ELMOD3: variants seen among roughly 807,000 people sequenced by gnomAD.
ELMOD3 encodes the protein ELMO domain containing 3.
A neutral mutation model predicts 47.4 loss-of-function variants in ELMOD3; 36 were observed. The observed-to-expected ratio is 0.76, with a 90% CI of 0.58 to 1.00. The LOEUF (loss-of-function observed/expected upper bound fraction) is 1.00. ELMOD3 is among the 50% of genes least tolerant of loss of function. The pLI is 0.00. For synonymous variants in ELMOD3, 149 were observed against 183.5 expected, an observed-to-expected ratio of 0.81 and a Z score of 1.52; for missense variants, 404 against 463.8, an observed-to-expected ratio of 0.87 and a Z score of 1.18.
At chr2:85,369,162 C>G (rs1233311131) in intron 7 of ELMOD3, among the ~76,000 whole-genome samples, 3 of 152,164 alleles carry the variant, frequency 2.0e-5, no homozygotes, top group Non-Finnish European at 4.4e-5. Context: ...CTGGAAGGCT[C>G]TGAAGGCTGA....
At chr2:85,372,196 C>G (rs1406252466) in intron 10 of ELMOD3, 2 of 151,772 alleles carry the variant, frequency 1.3e-5, no homozygotes, top group Non-Finnish European at 2.9e-5. Context: ...TAAAAATTAG[C>G]CAGGCGTGGT....
chr2:85,381,563 G>A (rs1323239080), intron 11 of ELMOD3, among the ~76,000 whole-genome samples: 1 of 152,170 alleles, frequency 6.6e-6, no homozygotes, highest in African/African-American at 2.4e-5. Context: ...AGAAAATCTT[G>A]TTAATCTGAT....
At chr2:85,389,520 T>A (rs1214203531) in intron 11 of ELMOD3, 2 of 582,530 alleles carry the variant, frequency 3.4e-6, no homozygotes, top group Non-Finnish European at 6.1e-6. Flanking sequence ...GCAAATAACC[T>A]CAGTTGGTAT....
At chr2:85,362,736 CAG>C (rs1356777101) in intron 5 of ELMOD3, among the ~76,000 whole-genome samples, 1 of 152,020 alleles carries the variant, frequency 6.6e-6, no homozygotes, top group Non-Finnish European at 1.5e-5. Context: ...CTGGCCAACA[CAG>C]TGAAACTCCA....
chr2:85,368,100 C>T (rs558427631), intron 6 of ELMOD3, among the ~76,000 whole-genome samples: 7 of 152,156 alleles, frequency 4.6e-5, no homozygotes, highest in African/African-American at 1.7e-4. Flanking sequence ...TTAGTAGAGA[C>T]GGGGTTTCAC....
intron 10 of ELMOD3, among the ~76,000 whole-genome samples, chr2:85,375,529 T>C (rs1685111217): frequency 6.6e-6 from 1 of 152,196 alleles, no homozygotes; most frequent in South Asian, 2.1e-4. Flanking sequence ...TTCTAAAGTT[T>C]CCATTTGGTT....
chr2:85,383,897 G>A (rs951196791), intron 11 of ELMOD3, among the ~76,000 whole-genome samples: 1 of 152,190 alleles, frequency 6.6e-6, no homozygotes, highest in Admixed American at 6.5e-5. Context: ...AGCCTCAGGA[G>A]GTGCTGATGA....
chr2:85,382,537 C>G (rs1388139265), intron 11 of ELMOD3, among the ~76,000 whole-genome samples: 1 of 110,670 alleles, frequency 9.0e-6, no homozygotes, highest in Admixed American at 7.9e-5. Context: ...TTTTTTGAGA[C>G]AGAGTCTCAC....
rs1458301098 is a variant in ELMOD3 at position 85,362,086 on chromosome 2, C to T, written c.55-100C>T. On this transcript the variant is annotated intron_variant, in intron 4 of 13. Coordinates refer to ENST00000409013, the MANE Select transcript of ELMOD3 (RefSeq NM_001135022.2). ...ATGTAACAAACCTGCACATGTACCCCTGAACTTAAAAGTTAAAAAAAAAAA... is the reference window on the plus strand; with the variant it reads ...ATGTAACAAACCTGCACATGTACCCTTGAACTTAAAAGTTAAAAAAAAAAA... The T allele has an allele frequency of 3.9e-6, 3 of 778,372 alleles. No individual in the cohort carries two copies. The South Asian group carries it at 4.9e-5, about 13-fold the overall frequency. The allele number at this position is 778,372 out of a possible 1,614,324, so 48.2% of individuals were successfully genotyped here.
At chr2:85,382,532 T>TTTTTTTTTTTA (rs1685637622) in intron 11 of ELMOD3, among the ~76,000 whole-genome samples, 1 of 151,342 alleles carries the variant, frequency 6.6e-6, no homozygotes, top group African/African-American at 2.4e-5. Flanking sequence ...TTTTTTTTTT[T>TTTTTTTTTTTA]GAGACAGAGT....
At chr2:85,363,235 T>G in intron 6 of ELMOD3, 69 bp downstream of exon 6, 1 of 839,674 alleles carries the variant, frequency 1.2e-6, no homozygotes, top group Non-Finnish European at 2.0e-6. Context: ...GCATCTGCTG[T>G]TCATCATTTG....
intron 11 of ELMOD3, among the ~76,000 whole-genome samples, chr2:85,382,690 AT>A (rs1685653112): frequency 6.6e-6 from 1 of 151,860 alleles, no homozygotes; most frequent in South Asian, 2.1e-4. Context: ...TAATTTTTGT[AT>A]TTTTAGTAGA....
At chr2:85,368,426 C>G (rs1312948366) in intron 6 of ELMOD3, 3 of 466,166 alleles carry the variant, frequency 6.4e-6, no homozygotes, top group Non-Finnish European at 1.2e-5. Flanking sequence ...GGGGACCACC[C>G]GGGAGTGGGG....
chr2:85,369,710 A>G (rs745597070), intron 7 of ELMOD3, 29 bp from the exon 8 acceptor site: 3 of 1,610,664 alleles, frequency 1.9e-6, no homozygotes, highest in Non-Finnish European at 2.5e-6. Context: ...ACTCCTATAA[A>G]TCCTGGCATG....
chr2:85,388,151 G>GA (rs1261473721), intron 11 of ELMOD3, among the ~76,000 whole-genome samples: 70 of 144,578 alleles, frequency 4.8e-4, no homozygotes, highest in East Asian at 1.2e-3. Context: ...TTGTTTTTTT[G>GA]AAAAAAAAAA....
In ELMOD3 at chr2:85,368,753, A is replaced by C; in HGVS notation, c.267A>C (p.Thr89=). The change falls in exon 7 of 14, where the codon ACA becomes ACC. Residue 89 remains threonine (T), a splice_region_variant and synonymous_variant. Transcript: ENST00000409013. Reference sequence around the variant, plus strand: ...CTGTGGACACCATCCAGCCAGAGACAGGTAACTGTACGAATGCTGCTGTCT... The same window carrying C: ...CTGTGGACACCATCCAGCCAGAGACCGGTAACTGTACGAATGCTGCTGTCT... ...WEAVDTIQPE[T]GSQASSEQPG... The C allele has an allele frequency of 6.2e-7, 1 of 1,614,164 alleles. No homozygotes were observed. The highest frequency in any genetic ancestry group is 8.5e-7 in the Non-Finnish European group (1 of 1,180,008).
chr2:85,391,658 A>G lies in ELMOD3; in HGVS notation c.*696A>G, dbSNP rs958274996. 2 of 152,748 alleles carry G rather than the reference A, an allele frequency of 1.3e-5. No homozygotes were observed. The highest frequency in any genetic ancestry group is 2.9e-5 in the Non-Finnish European group (2 of 68,130). The allele number at this position is 152,748 out of a possible 1,614,324, so 9.5% of individuals were successfully genotyped here. On this transcript the variant is annotated 3_prime_UTR_variant, in exon 14 of 14. Coordinates refer to ENST00000409013, the MANE Select transcript of ELMOD3 (RefSeq NM_001135022.2). ...CACAAGCTGGGGCTTCCTCCTGTAG[A>G]TGCTGTGCATGCCCCATGATGAGTT... is the stretch of plus-strand genomic sequence containing the variant.
intron 6 of ELMOD3, among the ~76,000 whole-genome samples, chr2:85,364,033 G>C (rs1684167463): frequency 6.6e-6 from 1 of 152,100 alleles, no homozygotes; most frequent in South Asian, 2.1e-4. Flanking sequence ...GGAGGCTGAG[G>C]CACAAGAATT....
intron 11 of ELMOD3, among the ~76,000 whole-genome samples, chr2:85,379,369 G>A (rs962516413): frequency 5.3e-5 from 8 of 152,106 alleles, no homozygotes; most frequent in African/African-American, 1.9e-4. Flanking sequence ...ACCACGTCCG[G>A]CTAATTTTTG....
Sources: allele counts gnomAD v4.1 joint callset (sites outside exome capture counted in the v4.1 genomes callset), GRCh38; gene constraint gnomAD v4.1.1; transcripts MANE v1.5; gene names NCBI Gene and HGNC (gene_info 2026-07-23, HGNC 2026-07-21).